SRBD1: variants seen among roughly 807,000 people sequenced by gnomAD.
SRBD1 encodes the protein S1 RNA binding domain 1, also known as S1 RNA-binding domain-containing protein 1.
SRBD1 carries 88 observed loss-of-function variants against 115.3 expected under a neutral mutation model. The ratio of observed to expected loss-of-function variants is 0.76; its 90% CI spans 0.64 to 0.91. SRBD1 has a LOEUF of 0.91. Among genes scored for constraint, SRBD1 ranks in the 40% least tolerant of loss-of-function variants. The pLI, the probability that SRBD1 is intolerant of heterozygous loss-of-function variation, is 0.00. For missense variants in SRBD1, 1,385 were observed against 1,177.4 expected (o/e 1.18, Z -2.58); for synonymous variants, 509 against 407.7 (o/e 1.25, Z -2.99).
At chr2:45,511,712 T>C (rs1171259028) in intron 14 of SRBD1, among the ~76,000 whole-genome samples, 2 of 152,184 alleles carry the variant, frequency 1.3e-5, no homozygotes, top group Non-Finnish European at 2.9e-5. Context: ...TTCTGCACTT[T>C]TCATAAGAAG....
chr2:45,402,968 C>T (rs1192713445), intron 19 of SRBD1, among the ~76,000 whole-genome samples: 1 of 152,148 alleles, frequency 6.6e-6, no homozygotes, highest in East Asian at 1.9e-4. Flanking sequence ...TTCTGGGTCT[C>T]ATTCTACTAA....
intron 15 of SRBD1, among the ~76,000 whole-genome samples, chr2:45,485,547 A>C (rs1670092530): frequency 6.6e-6 from 1 of 152,180 alleles, no homozygotes; most frequent in South Asian, 2.1e-4. Flanking sequence ...TACTATATCC[A>C]TCCAATTTAG....
At chr2:45,579,825 A>AC (rs767653847) in intron 7 of SRBD1, 50 bp downstream of exon 7, 20 of 162,852 alleles carry the variant, frequency 1.2e-4, no homozygotes, top group South Asian at 9.4e-4. Context: ...TTTTTAAATT[A>AC]AAAAAAAAAA....
At chr2:45,534,935 A>T (rs1423158316) in intron 14 of SRBD1, among the ~76,000 whole-genome samples, 1 of 151,982 alleles carries the variant, frequency 6.6e-6, no homozygotes, top group Non-Finnish European at 1.5e-5. Context: ...GAGTAAAAAG[A>T]AACCCGAGAA....
At chr2:45,517,205 C>T (rs899654644) in intron 14 of SRBD1, among the ~76,000 whole-genome samples, 1 of 152,056 alleles carries the variant, frequency 6.6e-6, no homozygotes, top group Non-Finnish European at 1.5e-5. Flanking sequence ...CGTTATCAGG[C>T]CATGTTCTCT....
intron 14 of SRBD1, among the ~76,000 whole-genome samples, chr2:45,529,659 AG>A (rs1572739150): frequency 6.6e-6 from 1 of 151,994 alleles, no homozygotes; most frequent in African/African-American, 2.4e-5. Context: ...AACCAGATAC[AG>A]AGTCTCCCAA....
chr2:45,604,818 C>G (rs149671348), intron 2 of SRBD1, among the ~76,000 whole-genome samples: 2 of 152,292 alleles, frequency 1.3e-5, no homozygotes, highest in Admixed American at 1.3e-4. Flanking sequence ...GTACTTATTA[C>G]TATAAATATT....
chr2:45,476,927 C>T (rs1669820767), intron 16 of SRBD1, 66 bp downstream of exon 16: 1 of 1,424,270 alleles, frequency 7.0e-7, no homozygotes, highest in Non-Finnish European at 9.9e-7. Flanking sequence ...TAATTACTAT[C>T]CCAGGTTTGA....
At chr2:45,521,691 G>A (rs1401060137) in intron 14 of SRBD1, among the ~76,000 whole-genome samples, 1 of 152,054 alleles carries the variant, frequency 6.6e-6, no homozygotes, top group East Asian at 1.9e-4. Flanking sequence ...ATATCCAAAA[G>A]GATTGAAAGC....
intron 14 of SRBD1, among the ~76,000 whole-genome samples, chr2:45,526,929 G>C (rs994239972): frequency 2.0e-5 from 3 of 151,788 alleles, no homozygotes; most frequent in Non-Finnish European, 4.4e-5. Context: ...GAAAAAGAAG[G>C]GACAGCCAGG....
Position 45,451,308 on chromosome 2 carries a change from C to T in SRBD1, c.2049+25685G>A, listed in dbSNP as rs1009775990. Among the ~76,000 whole-genome samples the T allele has an allele frequency of 5.3e-5, 8 of 151,964 alleles. No homozygotes were observed. In the South Asian group the frequency reaches 1.2e-3, roughly 24 times the overall value. On this transcript the variant is annotated intron_variant, in intron 16 of 20. Coordinates refer to ENST00000263736, the MANE Select transcript of SRBD1 (RefSeq NM_018079.5). ...TCTTTACAGACATAGATGATGGTATCCCCTAACTTTACGGGGGTGAAATTA... is the reference window on the plus strand; with the variant it reads ...TCTTTACAGACATAGATGATGGTATTCCCTAACTTTACGGGGGTGAAATTA...
chr2:45,452,891 C>A (rs1647963382), intron 16 of SRBD1, among the ~76,000 whole-genome samples: 1 of 151,894 alleles, frequency 6.6e-6, no homozygotes, highest in African/African-American at 2.4e-5. Flanking sequence ...AAACTGTATA[C>A]TAGGTTTTCG....
chr2:45,445,489 C>T (rs1668793050), intron 16 of SRBD1, among the ~76,000 whole-genome samples: 1 of 128,336 alleles, frequency 7.8e-6, no homozygotes, highest in Non-Finnish European at 1.6e-5. Context: ...GGTTAGGGGT[C>T]ACAATGAGGC....
intron 14 of SRBD1, among the ~76,000 whole-genome samples, chr2:45,538,214 C>T (rs1270394849): frequency 3.3e-5 from 5 of 152,282 alleles, no homozygotes; most frequent in Middle Eastern, 6.8e-3. Flanking sequence ...TAGAAAAATT[C>T]TTCATAACAC....
At chr2:45,475,004 C>T (rs1031953441) in intron 16 of SRBD1, among the ~76,000 whole-genome samples, 3 of 152,200 alleles carry the variant, frequency 2.0e-5, no homozygotes, top group African/African-American at 4.8e-5. Context: ...ATTTGCTGAA[C>T]AGTGAGTAGT....
rs2103805544 is a variant in SRBD1, at chr2:45,388,919, A to G, written c.*391T>C. 5.7e-6 allele frequency: 1 copy of G among 175,956 alleles called. No individual in the cohort carries two copies. Among genetic ancestry groups the G allele is most frequent in the East Asian group, 1.5e-4 (1 of 6,588 alleles). The allele number at this position is 175,956 out of a possible 1,614,324, so 10.9% of individuals were successfully genotyped here. A position where few individuals can be genotyped will look rare whatever the true frequency, so the allele number is the denominator to read the frequency against. ...CTGCCCAGCCCTACTGTGTCAACAA[A>G]GACGGTACAATTCAAATCAAGAAGA... On this transcript the variant is annotated 3_prime_UTR_variant, in exon 21 of 21. Coordinates refer to ENST00000263736, the MANE Select transcript of SRBD1 (RefSeq NM_018079.5).
At chr2:45,424,280 T>C (rs77143065) in intron 16 of SRBD1, among the ~76,000 whole-genome samples, 4,674 of 152,246 alleles carry the variant, frequency 0.031, 249 homozygotes, top group African/African-American at 0.11. Flanking sequence ...AATCCTGGTA[T>C]TGATACACTT....
At position 45,587,168 on chromosome 2, in the gene SRBD1, A is replaced by C. The variant is rs955715615; in HGVS notation, c.649-1394T>G. 2.8e-5 allele frequency among the ~76,000 whole-genome samples: 4 copies of C among 144,886 alleles called. 1 individual carries two copies. Among genetic ancestry groups the C allele is most frequent in the Admixed American group, 2.1e-4 (3 of 14,532 alleles). On this transcript the variant is annotated intron_variant, in intron 4 of 20. Coordinates refer to ENST00000263736, the MANE Select transcript of SRBD1 (RefSeq NM_018079.5). Reference sequence around the variant, plus strand: ...AAATATTTAATTATTTTAAATTATAAATATTAAAATATTTAAAAATTTTTA... The same window carrying C: ...AAATATTTAATTATTTTAAATTATACATATTAAAATATTTAAAAATTTTTA...
chr2:45,446,766 C>T (rs1361109049), intron 16 of SRBD1, among the ~76,000 whole-genome samples: 2 of 150,782 alleles, frequency 1.3e-5, no homozygotes. Flanking sequence ...AAATTAAAAA[C>T]ATAGGTCGCT....
Sources: gnomAD v4.1 joint callset for allele counts (sites outside exome capture counted in the v4.1 genomes callset) on GRCh38, gnomAD v4.1.1 for gene constraint, MANE v1.5 for transcripts, NCBI Gene and HGNC (gene_info 2026-07-23, HGNC 2026-07-21) for gene names.